Variants in ECE1 observed in about 807,000 individuals in gnomAD.
ECE1 encodes the protein endothelin-converting enzyme 1.
A neutral mutation model predicts 98.6 loss-of-function variants in ECE1; 35 were observed. That is an observed-to-expected ratio of 0.35 (90% confidence interval 0.27 to 0.47). ECE1 has a LOEUF of 0.47. Among genes scored for constraint, ECE1 ranks in the 20% least tolerant of loss-of-function variants. The pLI, the probability that ECE1 is intolerant of heterozygous loss-of-function variation, is 1.00. For missense variants in ECE1, 814 were observed against 1,025.3 expected, an observed-to-expected ratio of 0.79 and a Z score of 2.81; for synonymous variants, 394 against 407.1, an observed-to-expected ratio of 0.97 and a Z score of 0.39.
chr1:21,331,311 G>A (rs956492400), intron 1 of ECE1, among the ~76,000 whole-genome samples: 2 of 152,144 alleles, frequency 1.3e-5, no homozygotes, highest in Non-Finnish European at 2.9e-5. Context: ...GGCTGAGGCA[G>A]AGGAATCGCT....
chr1:21,274,995 A>G (rs1361036760), intron 3 of ECE1, among the ~76,000 whole-genome samples: 1 of 152,210 alleles, frequency 6.6e-6, no homozygotes, highest in Non-Finnish European at 1.5e-5. Context: ...GCAGGGAAAG[A>G]ATTTCCATGT....
chr1:21,326,276 G>A (rs1639077556), intron 1 of ECE1, among the ~76,000 whole-genome samples: 2 of 152,108 alleles, frequency 1.3e-5, no homozygotes, highest in South Asian at 4.1e-4. Flanking sequence ...GAGAAGGGGT[G>A]GCAGGATCAA....
chr1:21,264,134 G>C (rs1003331972), intron 4 of ECE1, among the ~76,000 whole-genome samples: 2 of 152,174 alleles, frequency 1.3e-5, no homozygotes, highest in African/African-American at 4.8e-5. Context: ...CTGAGGATGA[G>C]GGGCAGGCTT....
Position 21,225,169 on chromosome 1 carries a change from G to A in ECE1, c.2040+81C>T. On this transcript the variant is annotated intron_variant, in intron 17 of 18. Transcript: ENST00000374893. This position sits in a 1 kb window ranked among gnomAD's most constrained non-coding sequence, Gnocchi z 5.3. ...CACGGCTGCTGCGCCTGCCCTGGTT[G>A]TCCGTGATGATCCTCTACGGACAGG... is the stretch of plus-strand genomic sequence containing the variant. 6.4e-7 allele frequency: 1 copy of A among 1,557,236 alleles called. No homozygotes were observed. Among genetic ancestry groups the A allele is most frequent in the Non-Finnish European group, 8.8e-7 (1 of 1,140,694 alleles).
intron 14 of ECE1, among the ~76,000 whole-genome samples, chr1:21,230,469 C>A (rs1344499538): frequency 6.6e-6 from 1 of 152,156 alleles, no homozygotes; most frequent in South Asian, 2.1e-4. Flanking sequence ...CTCACTGCAA[C>A]CTCTGCCTCC....
intron 4 of ECE1, among the ~76,000 whole-genome samples, chr1:21,269,854 C>A (rs1371932408): frequency 1.3e-5 from 2 of 152,220 alleles, no homozygotes; most frequent in Non-Finnish European, 1.5e-5. Flanking sequence ...CAGAACTCTG[C>A]GGTCTGGCCT....
At chr1:21,343,321 CA>C in intron 1 of ECE1, among the ~76,000 whole-genome samples, 1 of 152,314 alleles carries the variant, frequency 6.6e-6, no homozygotes, top group South Asian at 2.1e-4. Context: ...GGCTAAATGA[CA>C]GACGAAAGTA....
chr1:21,290,640 C>T (rs897905216), upstream of ECE1, among the ~76,000 whole-genome samples: 64 of 152,330 alleles, frequency 4.2e-4, no homozygotes, highest in Admixed American at 3.5e-3. This position sits in a 1 kb window ranked among gnomAD's most constrained non-coding sequence, Gnocchi z 7.3. Flanking sequence ...AAGCCCCTAG[C>T]AGGCAGGAAA....
chr1:21,286,137 T>C (rs1160649517), intron 2 of ECE1, among the ~76,000 whole-genome samples: 1 of 152,212 alleles, frequency 6.6e-6, no homozygotes, highest in African/African-American at 2.4e-5. Flanking sequence ...TTGAATGAAT[T>C]TCAAAGGTTT....
At chr1:21,330,040 TC>T (rs983234951) in intron 1 of ECE1, among the ~76,000 whole-genome samples, 4 of 151,310 alleles carry the variant, frequency 2.6e-5, no homozygotes, top group Non-Finnish European at 5.9e-5. Flanking sequence ...GCTGGCAAAC[TC>T]CTACCCATCC....
chr1:21,244,741 C>G (rs1196496051), intron 10 of ECE1, among the ~76,000 whole-genome samples: 2 of 152,174 alleles, frequency 1.3e-5, no homozygotes, highest in African/African-American at 2.4e-5. Flanking sequence ...CAGTACTCAC[C>G]TCACAGGCAT....
Position 21,225,130 on chromosome 1 carries a change from G to A in ECE1, c.2040+120C>T. The A allele has an allele frequency of 7.4e-7, 1 of 1,354,856 alleles. No homozygotes were observed. The highest frequency in any genetic ancestry group is 2.0e-5 in the Admixed American group (1 of 50,916). The allele number at this position is 1,354,856 out of a possible 1,614,324, so 83.9% of individuals were successfully genotyped here. ...CGCCACCCCCAATTTCGCAGAAGAGGAAACGGAAGCTCGCACGGCTGCTGC... is the reference window on the plus strand; with the variant it reads ...CGCCACCCCCAATTTCGCAGAAGAGAAAACGGAAGCTCGCACGGCTGCTGC... On this transcript the variant is annotated intron_variant, in intron 17 of 18. Coordinates refer to ENST00000374893, the MANE Select transcript of ECE1 (RefSeq NM_001397.3). This position sits in a 1 kb window ranked among gnomAD's most constrained non-coding sequence, Gnocchi z 5.3.
chr1:21,261,095 C>A (rs886313312), intron 4 of ECE1, among the ~76,000 whole-genome samples: 1 of 152,178 alleles, frequency 6.6e-6, no homozygotes, highest in African/African-American at 2.4e-5. Flanking sequence ...TGAAGATGAC[C>A]GCTTCCTGCC....
intron 7 of ECE1, chr1:21,256,570 A>G (rs1017161551): frequency 6.6e-6 from 1 of 151,602 alleles, no homozygotes; most frequent in African/African-American, 2.4e-5. Context: ...AAAAAAAAGA[A>G]GAAGACACCC....
At chr1:21,230,428 G>A (rs1164735919) in intron 14 of ECE1, among the ~76,000 whole-genome samples, 1 of 152,114 alleles carries the variant, frequency 6.6e-6, no homozygotes, top group Non-Finnish European at 1.5e-5. Flanking sequence ...CCAGGCTGGA[G>A]GGCAATTGGG....
chr1:21,222,155 CCACATCGTGTGTGTGCATGCACACACACA>C, intron 17 of ECE1: 1 of 417,546 alleles, frequency 2.4e-6, no homozygotes, highest in South Asian at 2.2e-5. Context: ...ATAAACAGAG[CCACATCGTGTGTGTGCATGCACACACACA>C]CACATACACA....
intron 17 of ECE1, chr1:21,222,090 G>C (rs2098168165): frequency 1.9e-6 from 1 of 540,468 alleles, no homozygotes; most frequent in Non-Finnish European, 3.3e-6. Context: ...TCCCTGATGT[G>C]TATATTCAAC....
At chr1:21,261,003 G>A (rs2098226126) in intron 4 of ECE1, among the ~76,000 whole-genome samples, 1 of 152,168 alleles carries the variant, frequency 6.6e-6, no homozygotes, top group African/African-American at 2.4e-5. Context: ...GACACCCGGA[G>A]ATTCTGTTCC....
chr1:21,258,591 C>T lies in ECE1; in HGVS notation c.762+102G>A, dbSNP rs889667962. On this transcript the variant is annotated intron_variant, in intron 6 of 18. Coordinates refer to ENST00000374893, the MANE Select transcript of ECE1 (RefSeq NM_001397.3). The surrounding 1 kb of genome is among the most constrained non-coding windows in gnomAD (Gnocchi z 4.2). ...GCTCAGAAACTAGAAGACCGCCGTC[C>T]CACCCAGGGCAAGCCCCTCTCCCAC... 1.8e-6 allele frequency: 2 copies of T among 1,121,924 alleles called. No homozygotes were observed. Among genetic ancestry groups the T allele is most frequent in the Non-Finnish European group, 2.6e-6 (2 of 757,120 alleles). The allele number at this position is 1,121,924 out of a possible 1,614,324, so 69.5% of individuals were successfully genotyped here.
Sources: allele counts gnomAD v4.1 joint callset (sites outside exome capture counted in the v4.1 genomes callset), GRCh38; gene constraint gnomAD v4.1.1; non-coding constraint Gnocchi (gnomAD v3.1); transcripts MANE v1.5; gene names NCBI Gene and HGNC (gene_info 2026-07-23, HGNC 2026-07-21).